Variants in ABCB1 observed in about 807,000 individuals in gnomAD.
The protein encoded by ABCB1 is ATP-dependent translocase ABCB1.
Under a neutral mutation model 142.0 loss-of-function variants are expected in ABCB1, and 69 were observed. That is an observed-to-expected ratio of 0.49 (90% CI 0.40 to 0.59). The LOEUF (loss-of-function observed/expected upper bound fraction) is 0.59, where lower values mean the gene tolerates loss of function less well. Ranked by LOEUF, ABCB1 falls within the 20% of genes least tolerant of loss-of-function variation. The pLI is 0.00. For missense variants in ABCB1, 1,326 were observed against 1,554.7 expected, an observed-to-expected ratio of 0.85 and a Z score of 2.47; for synonymous variants, 532 against 539.2, an observed-to-expected ratio of 0.99 and a Z score of 0.18.
intron 1 of ABCB1, among the ~76,000 whole-genome samples, chr7:87,651,435 G>A (rs1275857967): frequency 1.3e-5 from 2 of 151,946 alleles, no homozygotes; most frequent in Admixed American, 1.3e-4. Context: ...ACAATTTAAA[G>A]GGGAACTTGG....
Position 87,549,935 on chromosome 7 carries a change from A to G in ABCB1, c.1470T>C (p.Tyr490=), listed in dbSNP as rs1816972915. 3.7e-6 allele frequency: 6 copies of G among 1,614,224 alleles called. No individual in the cohort carries two copies. The East Asian group carries it at 1.1e-4, about 30-fold the overall frequency. ...CATCCATGGTGACATTTTCACGGCCATAGCGAATGTTTTCAGCTATCGTGG... is the reference window on the plus strand; with the variant it reads ...CATCCATGGTGACATTTTCACGGCCGTAGCGAATGTTTTCAGCTATCGTGG... The part of the protein sequence containing the change: ...FATTIAENIR[Y]GRENVTMDEI... Residue 490 remains tyrosine, a synonymous_variant, in exon 13 of 28, where the codon TAT becomes TAC. Transcript: ENST00000622132.
rs35730308 is a variant in ABCB1 at position 87,509,442 on chromosome 7, A to G, written c.3322T>C (p.Trp1108Arg). 208 of 1,614,208 alleles carry G rather than the reference A, an allele frequency of 1.3e-4. No homozygotes were observed. The African/African-American group carries it at 2.5e-3, about 19-fold the overall frequency. The change falls in exon 26 of 28, where the codon TGG (tryptophan) becomes CGG (arginine). Residue 1108 changes from tryptophan (W) to arginine (R), a missense_variant. Physicochemically the swap from Trp to Arg is moderately radical, Grantham distance 101 (BLOSUM62 -3). Transcript: ENST00000622132. Reference sequence around the variant, plus strand: ...ACGATGCCCAGGTGTGCTCGGAGCCACTGAACATTCAGTCGCTTTATTTCT... The same window carrying G: ...ACGATGCCCAGGTGTGCTCGGAGCCGCTGAACATTCAGTCGCTTTATTTCT... The part of the protein sequence containing the change: ...GKEIKRLNVQ[W>R]LRAHLGIVSQ...
chr7:87,524,982 C>T lies in ABCB1; in HGVS notation c.2686-4106G>A, dbSNP rs576443910. ...TGAGATTGGTTTGTAAATGTCATTG[C>T]TTTTTAGTGTGTATATAGCCGAATA... On this transcript the variant is annotated intron_variant, in intron 21 of 27. Coordinates refer to ENST00000622132, the MANE Select transcript of ABCB1 (RefSeq NM_001348946.2). Among the ~76,000 whole-genome samples the T allele has an allele frequency of 3.9e-4, 59 of 152,186 alleles. 1 individual carries two copies. The highest frequency in any genetic ancestry group is 1.4e-3 in the African/African-American group (57 of 41,520).
At chr7:87,683,961 T>C (rs1827192696) in intron 1 of ABCB1, among the ~76,000 whole-genome samples, 1 of 152,164 alleles carries the variant, frequency 6.6e-6, no homozygotes, top group African/African-American at 2.4e-5. Flanking sequence ...TATTGACAGA[T>C]CAAACTGGAA....
chr7:87,657,916 G>GA (rs1282331046), intron 1 of ABCB1, among the ~76,000 whole-genome samples: 2 of 152,054 alleles, frequency 1.3e-5, no homozygotes, highest in African/African-American at 4.8e-5. Context: ...TTCCCCTGTG[G>GA]GAGCAGTGTC....
intron 1 of ABCB1, among the ~76,000 whole-genome samples, chr7:87,611,013 G>T (rs1819831086): frequency 6.6e-6 from 1 of 152,100 alleles, no homozygotes; most frequent in South Asian, 2.1e-4. Context: ...TCTTACTTGG[G>T]CTACTTTAAC....
chr7:87,560,157 T>C lies in ABCB1; in HGVS notation c.827+1106A>G, dbSNP rs118078935. ...CCATGAGAGCCGGGGATTTATTTCA[T>C]TGAATATTTGCTCAGTCATTAAGCA... On this transcript the variant is annotated intron_variant, in intron 8 of 27. Transcript: ENST00000622132. 9.7e-3 allele frequency among the ~76,000 whole-genome samples: 1,481 copies of C among 152,332 alleles called. 12 individuals are homozygous for C. Among genetic ancestry groups the C allele is most frequent in the Middle Eastern group, 0.024 (7 of 294 alleles).
chr7:87,664,267 A>C, intron 1 of ABCB1, among the ~76,000 whole-genome samples: 2 of 152,162 alleles, frequency 1.3e-5, no homozygotes, highest in East Asian at 3.8e-4. Context: ...TCAAGGCTGT[A>C]GTACACTATT....
At chr7:87,531,213 A>G in intron 21 of ABCB1, 81 bp downstream of exon 21, 1 of 1,167,820 alleles carries the variant, frequency 8.6e-7, no homozygotes. Flanking sequence ...AGAGCATAGT[A>G]AGCAGTAGGG....
chr7:87,629,108 G>C (rs1196895087), intron 1 of ABCB1: 1 of 595,840 alleles, frequency 1.7e-6, no homozygotes, highest in Non-Finnish European at 2.5e-6. Context: ...TTGGACAGGG[G>C]CCCGGGTCTG....
intron 1 of ABCB1, among the ~76,000 whole-genome samples, chr7:87,703,022 A>G (rs1202212816): frequency 6.6e-6 from 1 of 152,154 alleles, no homozygotes; most frequent in Non-Finnish European, 1.5e-5. Flanking sequence ...TTTTTATTGA[A>G]TTGTCAGAGT....
At chr7:87,645,740 C>A (rs917098608) in intron 1 of ABCB1, among the ~76,000 whole-genome samples, 1 of 152,050 alleles carries the variant, frequency 6.6e-6, no homozygotes, top group Non-Finnish European at 1.5e-5. Flanking sequence ...ATCTTAGTTA[C>A]TGTGTTATGA....
chr7:87,519,313 G>T lies in ABCB1; in HGVS notation c.2927+13C>A, dbSNP rs2117094288. 1 of 1,612,592 alleles carries T rather than the reference G, an allele frequency of 6.2e-7. No individual in the cohort carries two copies. Among genetic ancestry groups the T allele is most frequent in the Middle Eastern group, 1.7e-4 (1 of 6,060 alleles). Reference sequence around the variant, plus strand: ...ATTTTTAGAGCTTAACTAAATAATAGCCCAATACTTACAACAGAACATCCT... The same window carrying T: ...ATTTTTAGAGCTTAACTAAATAATATCCCAATACTTACAACAGAACATCCT... On this transcript the variant is annotated intron_variant, in intron 23 of 27. Coordinates refer to ENST00000622132, the MANE Select transcript of ABCB1 (RefSeq NM_001348946.2).
chr7:87,553,641 T>G (rs1164454649), intron 9 of ABCB1, 120 bp downstream of exon 9: 2 of 1,094,536 alleles, frequency 1.8e-6, no homozygotes, highest in East Asian at 5.1e-5. Context: ...AACCTAGTAG[T>G]GCATATGTCT....
Position 87,560,552 on chromosome 7 carries a change from T to C in ABCB1, c.827+711A>G, listed in dbSNP as rs140003349. 1.8e-4 allele frequency among the ~76,000 whole-genome samples: 27 copies of C among 152,310 alleles called. No individual in the cohort carries two copies. The East Asian group carries it at 4.4e-3, about 25-fold the overall frequency. On this transcript the variant is annotated intron_variant, in intron 8 of 27. Coordinates refer to ENST00000622132, the MANE Select transcript of ABCB1 (RefSeq NM_001348946.2). The stretch of plus-strand genomic sequence containing the variant: ...ATTCCCTTGGTTTTCTTCATGGCTG[T>C]ACCAAACAATGTATAACCCCCTTAA...
At chr7:87,613,010 G>GT (rs1819905808) in intron 1 of ABCB1, among the ~76,000 whole-genome samples, 5 of 119,476 alleles carry the variant, frequency 4.2e-5, no homozygotes, top group African/African-American at 1.3e-4. Flanking sequence ...GGTTTTGGTG[G>GT]GTTTTTTTTT....
intron 24 of ABCB1, 33 bp downstream of exon 24, chr7:87,516,476 G>T (rs1318368018): frequency 6.2e-7 from 1 of 1,613,516 alleles, no homozygotes; most frequent in East Asian, 2.2e-5. Flanking sequence ...CAGGAGTCAG[G>T]AGTAGATCAA....
intron 21 of ABCB1, among the ~76,000 whole-genome samples, chr7:87,529,196 T>C (rs890222892): frequency 6.6e-6 from 1 of 152,220 alleles, no homozygotes; most frequent in Admixed American, 6.5e-5. Context: ...GCTGTGTGAC[T>C]GTGAGCAAGT....
At chr7:87,591,408 G>A (rs1057069032) in intron 3 of ABCB1, among the ~76,000 whole-genome samples, 1 of 152,186 alleles carries the variant, frequency 6.6e-6, no homozygotes, top group African/African-American at 2.4e-5. Flanking sequence ...AAAGAGGGAT[G>A]ATAAAGAGGC....
Sources: gnomAD v4.1 joint callset for allele counts (sites outside exome capture counted in the v4.1 genomes callset) on GRCh38, gnomAD v4.1.1 for gene constraint, MANE v1.5 for transcripts, NCBI Gene and HGNC (gene_info 2026-07-23, HGNC 2026-07-21) for gene names.